EIF3I: variants seen among roughly 807,000 people sequenced by gnomAD.
EIF3I encodes the protein TGF-beta receptor-interacting protein 1.
EIF3I carries 20 observed loss-of-function variants against 43.3 expected under a neutral mutation model. The ratio of observed to expected loss-of-function variants is 0.46; its 90% CI spans 0.32 to 0.67. The LOEUF is 0.67. Among genes scored for constraint, EIF3I ranks in the 30% least tolerant of loss-of-function variants. The pLI, the probability that EIF3I is intolerant of heterozygous loss-of-function variation, is 0.03. For missense variants in EIF3I, 279 were observed against 421.4 expected (o/e 0.66, Z 2.96); for synonymous variants, 167 against 151.7 (o/e 1.10, Z -0.74).
exon 1 of EIF3I, chr1:32,222,410 C>CA: frequency 1.3e-6 from 2 of 1,586,580 alleles, no homozygotes; most frequent in Admixed American, 1.7e-5. Flanking sequence ...CGGTCTTACT[C>CA]ACGTTGCGGC....
intron 10 of EIF3I, among the ~76,000 whole-genome samples, chr1:32,230,469 G>A (rs1557556806): frequency 2.0e-5 from 3 of 150,308 alleles, no homozygotes; most frequent in Non-Finnish European, 3.0e-5. Context: ...TGATCCACCC[G>A]CCTCGGCCTC....
Position 32,228,786 on chromosome 1 carries a change from C to T in EIF3I, c.699C>T (p.Asn233=), listed in dbSNP as rs754313177. Residue 233 remains asparagine, a synonymous_variant, in exon 8 of 12, where the codon AAC becomes AAT. Transcript: ENST00000676679. Reference sequence around the variant, plus strand: ...CTTTCCGGACAGAACGTCCTGTCAACTCAGCTGCCCTCTCCCCCAACTATG... The same window carrying T: ...CTTTCCGGACAGAACGTCCTGTCAATTCAGCTGCCCTCTCCCCCAACTATG... 6.2e-6 allele frequency: 10 copies of T among 1,614,130 alleles called. No individual in the cohort carries two copies. The African/African-American group carries it at 1.1e-4, about 17-fold the overall frequency.
At chr1:32,228,875 G>C (rs1639190850) in intron 8 of EIF3I, 59 bp downstream of exon 8, 1 of 1,418,686 alleles carries the variant, frequency 7.0e-7, no homozygotes, top group Non-Finnish European at 9.9e-7. Flanking sequence ...AGTTCTAGAT[G>C]CTTGTCCAGA....
chr1:32,224,547 C>T, intron 4 of EIF3I, 72 bp downstream of exon 4: 2 of 1,150,258 alleles, frequency 1.7e-6, no homozygotes, highest in Non-Finnish European at 2.6e-6. Context: ...TAAACAGGTC[C>T]TAGGAAAATA....
chr1:32,226,056 T>C, intron 4 of EIF3I, 115 bp from the exon 5 acceptor site: 1 of 1,360,224 alleles, frequency 7.4e-7, no homozygotes. Context: ...TAAAATACTT[T>C]TTAAGTTTGG....
At chr1:32,230,897 A>G (rs758501298) in intron 10 of EIF3I, 30 bp from the exon 10 acceptor site, 61 of 1,529,318 alleles carry the variant, frequency 4.0e-5, no homozygotes, top group Admixed American at 2.1e-4. Context: ...GAAGATAGAA[A>G]GTGAATTAAT....
chr1:32,232,671 C>G (rs1286748890), downstream of EIF3I, among the ~76,000 whole-genome samples: 1 of 152,080 alleles, frequency 6.6e-6, no homozygotes, highest in Non-Finnish European at 1.5e-5. Context: ...ATGGAAGAGA[C>G]CAGTGTGGAT....
At position 32,228,651 on chromosome 1, in the gene EIF3I, C is replaced by T. The variant is rs759768656; in HGVS notation, c.639+42C>T. 2.7e-5 allele frequency: 44 copies of T among 1,605,792 alleles called. 1 individual carries two copies. The highest frequency in any genetic ancestry group is 1.8e-4 in the South Asian group (16 of 90,926). On this transcript the variant is annotated intron_variant, in intron 7 of 11. Coordinates refer to ENST00000676679, the Ensembl canonical transcript of EIF3I. ...GTCTGGCAGGGCTGCTCCCTCCCTC[C>T]GGCTGCACAGCTCACCCTGCCCGAC...
chr1:32,230,589 C>T (rs1185502173), intron 10 of EIF3I, among the ~76,000 whole-genome samples: 1 of 152,140 alleles, frequency 6.6e-6, no homozygotes, highest in East Asian at 1.9e-4. Flanking sequence ...CCTGTAATCC[C>T]AGCACATTGG....
rs183948892 is a variant in EIF3I at position 32,229,491 on chromosome 1, G to A, written c.803+283G>A. On this transcript the variant is annotated intron_variant, in intron 9 of 11. Coordinates refer to ENST00000676679, the Ensembl canonical transcript of EIF3I. ...TCTCGATCTCCTGACCTCGTGATAC[G>A]CCCGCCTCAGCCTCCCAAAGTGCTG... is the stretch of plus-strand genomic sequence containing the variant. Among the ~76,000 whole-genome samples, 1,470 of 150,408 alleles carry A rather than the reference G, an allele frequency of 9.8e-3. 35 individuals carry two copies. Among genetic ancestry groups the A allele is most frequent in the African/African-American group, 0.033 (1,364 of 40,760 alleles).
downstream of EIF3I, chr1:32,234,290 G>A (rs1457535399): frequency 7.1e-6 from 1 of 141,196 alleles, no homozygotes; most frequent in African/African-American, 2.8e-5. Flanking sequence ...AGGTGACAGA[G>A]CGAGACTTCA....
intron 2 of EIF3I, among the ~76,000 whole-genome samples, chr1:32,222,977 T>TC (rs1223532175): frequency 4.6e-5 from 7 of 152,168 alleles, no homozygotes; most frequent in African/African-American, 1.4e-4. Flanking sequence ...GCCTGTGGTC[T>TC]CAGCTACTTC....
chr1:32,236,028 A>G (rs894914704), downstream of EIF3I, among the ~76,000 whole-genome samples: 1 of 152,076 alleles, frequency 6.6e-6, no homozygotes, highest in Non-Finnish European at 1.5e-5. Context: ...CCCATTTCAT[A>G]CTCGACACTC....
chr1:32,223,403 C>T (rs1477828773), intron 2 of EIF3I, among the ~76,000 whole-genome samples: 1 of 152,232 alleles, frequency 6.6e-6, no homozygotes, highest in Non-Finnish European at 1.5e-5. Context: ...CCTGCCTCAA[C>T]CTCCCTAGTA....
At chr1:32,227,335 T>C (rs1035771894) in intron 6 of EIF3I, among the ~76,000 whole-genome samples, 2 of 150,692 alleles carry the variant, frequency 1.3e-5, no homozygotes, top group East Asian at 2.0e-4. Flanking sequence ...AGAGGTGAGA[T>C]TCAAATGTAG....
downstream of EIF3I, among the ~76,000 whole-genome samples, chr1:32,233,774 A>G (rs1329076859): frequency 6.6e-6 from 1 of 152,192 alleles, no homozygotes; most frequent in East Asian, 1.9e-4. Flanking sequence ...AGAGCCTTAT[A>G]AATTATTTTT....
chr1:32,222,811 T>TA (rs1639045760), intron 2 of EIF3I, among the ~76,000 whole-genome samples, 181 bp downstream of exon 2: 1 of 152,126 alleles, frequency 6.6e-6, no homozygotes, highest in Admixed American at 6.5e-5. Flanking sequence ...GGAAGAACTC[T>TA]ATTGGCCGAG....
At chr1:32,224,658 C>CTTTTT (rs58586351) in intron 4 of EIF3I, among the ~76,000 whole-genome samples, 183 bp downstream of exon 4, 11 of 136,334 alleles carry the variant, frequency 8.1e-5, no homozygotes, top group Non-Finnish European at 1.3e-4. Context: ...ATTAAGTTTT[C>CTTTTT]TTTTTTTTTT....
chr1:32,225,591 A>G (rs1163670616), intron 4 of EIF3I, among the ~76,000 whole-genome samples: 1 of 151,720 alleles, frequency 6.6e-6, no homozygotes, highest in African/African-American at 2.4e-5. Flanking sequence ...AAATACAAAA[A>G]TGAGCCAGGC....
Sources: gnomAD v4.1 joint callset for allele counts (sites outside exome capture counted in the v4.1 genomes callset) on GRCh38, gnomAD v4.1.1 for gene constraint, MANE v1.5 for transcripts, NCBI Gene and HGNC (gene_info 2026-07-23, HGNC 2026-07-21) for gene names.